The following MCM7 variants were observed in gnomAD, a reference collection of about 807,000 sequenced individuals.
The protein encoded by MCM7 is DNA replication licensing factor MCM7.
A neutral mutation model predicts 83.5 loss-of-function variants in MCM7; 95 were observed. That is an observed-to-expected ratio of 1.14 (90% CI 0.96 to 1.35). MCM7 has a LOEUF of 1.35. Ranked by LOEUF, MCM7 falls within the 40% of genes most tolerant of loss-of-function variation. The pLI is 0.00. For missense variants in MCM7, 1,087 were observed against 957.4 expected (o/e 1.14, Z -1.79); for synonymous variants, 461 against 352.7 (o/e 1.31, Z -3.44).
intron 3 of MCM7, 91 bp downstream of exon 3, chr7:100,099,498 G>A (rs1699735539): frequency 1.9e-6 from 3 of 1,584,348 alleles, no homozygotes; most frequent in Non-Finnish European, 2.6e-6. Flanking sequence ...CCTCCTTTCT[G>A]CCTGCTCAGA....
At position 100,094,093 on chromosome 7, in the gene MCM7, G is replaced by A. The variant is rs1569056; in HGVS notation, c.1848+80C>T. 7 of 1,561,672 alleles carry A rather than the reference G, an allele frequency of 4.5e-6. No individual in the cohort carries two copies. The Admixed American group carries it at 5.0e-5, about 11-fold the overall frequency. On this transcript the variant is annotated intron_variant, in intron 13 of 14. Transcript: ENST00000303887. ...CGGCAGGGCTGGAGCGGGAGGTGGG[G>A]AGGCGGCAATGAGAGCACGGTAAGG...
At position 100,096,090 on chromosome 7, in the gene MCM7, G is replaced by A; in HGVS notation, c.1279C>T (p.Leu427=). 6.2e-7 allele frequency: 1 copy of A among 1,614,118 alleles called. No homozygotes were observed. The highest frequency in any genetic ancestry group is 8.5e-7 in the Non-Finnish European group (1 of 1,180,016). The change falls in exon 11 of 15, where the codon CTG becomes TTG. Residue 427 remains leucine (L), a synonymous_variant. Transcript: ENST00000303887. ...AVLRDSVSGE[L]TLEGGALVLA... ...ACCAGGGCCCCACCCTCTAAGGTCAGTTCTCCACTCACGGAGTCTCTCAGC... is the reference window on the plus strand; with the variant it reads ...ACCAGGGCCCCACCCTCTAAGGTCAATTCTCCACTCACGGAGTCTCTCAGC...
rs907454665 is a variant in MCM7 at position 100,100,773 on chromosome 7, G to C, written c.31+491C>G. 5.7e-5 allele frequency: 57 copies of C among 991,382 alleles called. No individual in the cohort carries two copies. The East Asian group carries it at 4.8e-3, about 83-fold the overall frequency. The allele number at this position is 991,382 out of a possible 1,614,324, so 61.4% of individuals were successfully genotyped here. A position where few individuals can be genotyped will look rare whatever the true frequency, so the allele number is the denominator to read the frequency against. On this transcript the variant is annotated intron_variant, in intron 1 of 14. Transcript: ENST00000303887. ...ACACGACACTCCCTCCAGCCTCCTC[G>C]CGCCACTTCCGCCCGGCTCCACTTC...
At chr7:100,093,493 A>T in intron 13 of MCM7, 92 bp from the exon 14 acceptor site, 1 of 1,170,778 alleles carries the variant, frequency 8.5e-7, no homozygotes, top group Non-Finnish European at 1.3e-6. Context: ...AAGGCTGGGC[A>T]GCCCATGGGT....
intron 1 of MCM7, chr7:100,100,538 A>C (rs531433687): frequency 2.8e-5 from 28 of 995,698 alleles, no homozygotes; most frequent in African/African-American, 2.8e-4. Context: ...GTAAACAAAG[A>C]AGCACATGGG....
At position 100,097,940 on chromosome 7, in the gene MCM7, G is replaced by T; in HGVS notation, c.879C>A (p.Leu293=). The part of the protein sequence containing the change: ...TGFRQVVQGL[L]SETYLEAHRI... ...GATGGGCTTCCAGGTAGGTTTCTGA[G>T]AGTAAACCCTTGGGCAGGAAAATGC... The change falls in exon 8 of 15, where the codon CTC becomes CTA. Residue 293 remains leucine (L), a synonymous_variant. Transcript: ENST00000303887. The T allele has an allele frequency of 6.2e-7, 1 of 1,614,134 alleles. No homozygotes were observed. Among genetic ancestry groups the T allele is most frequent in the Non-Finnish European group, 8.5e-7 (1 of 1,179,980 alleles).
At position 100,092,881 on chromosome 7, in the gene MCM7, G is replaced by A; in HGVS notation, c.*51C>T. ...AAAGGCATCACTGCCCCTTCCCAAG[G>A]GGCAGGCCAGCAGGGAACAAGAGGA... On this transcript the variant is annotated 3_prime_UTR_variant, in exon 15 of 15. Coordinates refer to ENST00000303887, the MANE Select transcript of MCM7 (RefSeq NM_005916.5). 2 of 1,603,188 alleles carry A rather than the reference G, an allele frequency of 1.2e-6. No homozygotes were observed. Among genetic ancestry groups the A allele is most frequent in the Non-Finnish European group, 8.5e-7 (1 of 1,170,272 alleles).
Position 100,092,770 on chromosome 7 carries a change from G to A in MCM7, c.*162C>T. ...CCTGTTTTAATGGAAGTCAGGCCCA[G>A]GCTAGAAGATGACAATCTACAAACA... On this transcript the variant is annotated 3_prime_UTR_variant, in exon 15 of 15. Transcript: ENST00000303887. 1 of 728,296 alleles carries A rather than the reference G, an allele frequency of 1.4e-6. No individual in the cohort carries two copies. The allele number at this position is 728,296 out of a possible 1,614,324, so 45.1% of individuals were successfully genotyped here. A position where few individuals can be genotyped will look rare whatever the true frequency, so the allele number is the denominator to read the frequency against.
At chr7:100,097,252 T>G (rs1415800927) in intron 10 of MCM7, 49 bp downstream of exon 10, 17 of 1,519,346 alleles carry the variant, frequency 1.1e-5, no homozygotes, top group Non-Finnish European at 1.6e-5. Context: ...ATAAACACTG[T>G]GGTCCTGTCT....
rs546935490 is a variant in MCM7 at position 100,100,764 on chromosome 7, A to G, written c.31+500T>C. On this transcript the variant is annotated intron_variant, in intron 1 of 14. Transcript: ENST00000303887. ...ACACTGTTTACACGACACTCCCTCC[A>G]GCCTCCTCGCGCCACTTCCGCCCGG... 1.4e-5 allele frequency: 14 copies of G among 992,082 alleles called. No homozygotes were observed. In the African/African-American group the frequency reaches 2.4e-4, roughly 17 times the overall value. The allele number at this position is 992,082 out of a possible 1,614,324, so 61.5% of individuals were successfully genotyped here. A position where few individuals can be genotyped will look rare whatever the true frequency, so the allele number is the denominator to read the frequency against.
At chr7:100,096,799 A>T (rs1047355352) in intron 10 of MCM7, among the ~76,000 whole-genome samples, 63 of 151,462 alleles carry the variant, frequency 4.2e-4, no homozygotes, top group Admixed American at 8.6e-4. Flanking sequence ...AACAATACCC[A>T]AACAACAAAA....
intron 1 of MCM7, chr7:100,100,867 C>T (rs1256533952): frequency 1.5e-5 from 16 of 1,038,692 alleles, no homozygotes; most frequent in African/African-American, 3.4e-5. Context: ...CCCCCGGGGC[C>T]TACGCGCGCC....
At chr7:100,097,485 T>C in intron 9 of MCM7, 101 bp from the exon 10 acceptor site, 1 of 1,573,622 alleles carries the variant, frequency 6.4e-7, no homozygotes, top group South Asian at 1.1e-5. Context: ...CCAGCACTAT[T>C]TCTAAGCCCT....
chr7:100,093,031 A>C lies in MCM7; in HGVS notation c.2061T>G (p.Arg687=). ...FSEAEQRCVS[R]GFTPAQFQAA... is the part of the protein sequence containing the mutation. ...CCTGGAACTGGGCGGGTGTGAAGCC[A>C]CGAGATACACAGCGCTGCTCTGCCT... is the stretch of plus-strand genomic sequence containing the variant. The change falls in exon 15 of 15, where the codon CGT becomes CGG. Residue 687 remains arginine (R), a synonymous_variant. Coordinates refer to ENST00000303887, the MANE Select transcript of MCM7 (RefSeq NM_005916.5). 6.2e-7 allele frequency: 1 copy of C among 1,614,244 alleles called. No homozygotes were observed. Among genetic ancestry groups the C allele is most frequent in the Non-Finnish European group, 8.5e-7 (1 of 1,180,046 alleles).
rs1225703261 is a variant in MCM7 at position 100,092,771 on chromosome 7, G to C, written c.*161C>G. 1.4e-6 allele frequency: 1 copy of C among 731,336 alleles called. No homozygotes were observed. The highest frequency in any genetic ancestry group is 1.8e-5 in the African/African-American group (1 of 56,350). 45.3% of individuals were successfully genotyped at this position (731,336 alleles called of 1,614,324 possible). On this transcript the variant is annotated 3_prime_UTR_variant, in exon 15 of 15. Coordinates refer to ENST00000303887, the MANE Select transcript of MCM7 (RefSeq NM_005916.5). ...CTGTTTTAATGGAAGTCAGGCCCAG[G>C]CTAGAAGATGACAATCTACAAACAC...
intron 1 of MCM7, chr7:100,100,755 AC>A (rs2116603383): frequency 1.0e-6 from 1 of 990,034 alleles, no homozygotes; most frequent in Non-Finnish European, 1.2e-6. Context: ...TTTACACGAC[AC>A]TCCCTCCAGC....
intron 2 of MCM7, 106 bp from the exon 3 acceptor site, chr7:100,099,859 T>C (rs1795858541): frequency 2.7e-6 from 4 of 1,496,610 alleles, no homozygotes; most frequent in Non-Finnish European, 3.7e-6. Flanking sequence ...GCTCTGGGCA[T>C]CCACAGGGGA....
At position 100,099,418 on chromosome 7, in the gene MCM7, C is replaced by CAAAAAAAAAAAAACAAAAAAAAAAAAAAA; in HGVS notation, c.277-16_277-15insTTTTTTTTTTTTTTTGTTTTTTTTTTTTT. The CAAAAAAAAAAAAACAAAAAAAAAAAAAAA allele has an allele frequency of 7.7e-7, 1 of 1,302,352 alleles. No individual in the cohort carries two copies. Among genetic ancestry groups the CAAAAAAAAAAAAACAAAAAAAAAAAAAAA allele is most frequent in the Admixed American group, 3.3e-5 (1 of 30,112 alleles). The allele number at this position is 1,302,352 out of a possible 1,614,324, so 80.7% of individuals were successfully genotyped here. A position where few individuals can be genotyped will look rare whatever the true frequency, so the allele number is the denominator to read the frequency against. The stretch of plus-strand genomic sequence containing the variant: ...TTATTTACCACCTAAAGGAGAAGAA[C>CAAAAAAAAAAAAACAAAAAAAAAAAAAAA]AAAAAAAAAAAAAAAAAAGAGCAAC... On this transcript the variant is annotated splice_polypyrimidine_tract_variant and intron_variant, in intron 3 of 14. Transcript: ENST00000303887.
chr7:100,096,831 G>A (rs1011272751), intron 10 of MCM7, among the ~76,000 whole-genome samples: 7 of 151,684 alleles, frequency 4.6e-5, no homozygotes, highest in East Asian at 2.0e-4. Context: ...GGCCGGGTGC[G>A]GTGGCTCACG....
Sources: gnomAD v4.1 joint callset for allele counts (sites outside exome capture counted in the v4.1 genomes callset) on GRCh38, gnomAD v4.1.1 for gene constraint, MANE v1.5 for transcripts, NCBI Gene and HGNC (gene_info 2026-07-23, HGNC 2026-07-21) for gene names.